The following BCAS3 variants were observed in gnomAD, a reference collection of about 807,000 sequenced individuals.
BCAS3 encodes the protein BCAS3 microtubule associated cell migration factor.
A neutral mutation model predicts 116.1 loss-of-function variants in BCAS3; 53 were observed. The ratio of observed to expected loss-of-function variants is 0.46; its 90% confidence interval spans 0.37 to 0.57. BCAS3 has a LOEUF of 0.57. Ranked by LOEUF, BCAS3 falls within the 20% of genes least tolerant of loss-of-function variation. The pLI, the probability that BCAS3 is intolerant of heterozygous loss-of-function variation, is 0.00. For synonymous variants in BCAS3, 391 were observed against 408.2 expected (o/e 0.96, Z 0.51); for missense variants, 917 against 1,165.4 (o/e 0.79, Z 3.10).
At position 61,021,978 on chromosome 17, in the gene BCAS3, G is replaced by A. The variant is rs1420530982; in HGVS notation, c.1637+6077G>A. ...ACTAGATACAGATATAATAGCTTGG[G>A]TAATTCCCCACCTCATGTTTCTGCC... On this transcript the variant is annotated intron_variant, in intron 16 of 23. Transcript: ENST00000407086. The surrounding 1 kb of genome is among the most constrained non-coding windows in gnomAD (Gnocchi z 4.6). Among the ~76,000 whole-genome samples, 2 of 152,132 alleles carry A rather than the reference G, an allele frequency of 1.3e-5. No individual in the cohort carries two copies. The highest frequency in any genetic ancestry group is 2.9e-5 in the Non-Finnish European group (2 of 68,030).
At position 61,065,400 on chromosome 17, in the gene BCAS3, T is replaced by C. The variant is rs142463673; in HGVS notation, c.2030-9520T>C. 2.4e-4 allele frequency among the ~76,000 whole-genome samples: 37 copies of C among 152,340 alleles called. No homozygotes were observed. In the East Asian group the frequency reaches 6.2e-3, roughly 25 times the overall value. On this transcript the variant is annotated intron_variant, in intron 19 of 23. Transcript: ENST00000407086. This position sits in a 1 kb window ranked among gnomAD's most constrained non-coding sequence, Gnocchi z 4.8. ...ACAGAGTTTGGTAAATAGCCCTTGC[T>C]TATTGTATGGCTGCTATATAAATGC...
chr17:60,984,258 TTTC>T (rs2062986921), intron 14 of BCAS3, among the ~76,000 whole-genome samples: 2 of 152,194 alleles, frequency 1.3e-5, no homozygotes, highest in African/African-American at 4.8e-5. Flanking sequence ...AAGACTAAAA[TTTC>T]TTTTTTATTT....
intron 22 of BCAS3, among the ~76,000 whole-genome samples, chr17:61,167,444 GAACT>G (rs776239337): frequency 1.3e-5 from 2 of 152,138 alleles, no homozygotes; most frequent in African/African-American, 2.4e-5. Flanking sequence ...TCTCTCACCT[GAACT>G]AACTCTCTCC....
rs1243440376 is a variant in BCAS3 at position 60,995,267 on chromosome 17, T to C, written c.1486+5032T>C. 6.6e-6 allele frequency among the ~76,000 whole-genome samples: 1 copy of C among 152,108 alleles called. No homozygotes were observed. The highest frequency in any genetic ancestry group is 2.4e-5 in the African/African-American group (1 of 41,428). On this transcript the variant is annotated intron_variant, in intron 15 of 23. Transcript: ENST00000407086. This position sits in a 1 kb window ranked among gnomAD's most constrained non-coding sequence, Gnocchi z 4.7. ...TCCCGGGTTCAAGTGATTCTTCTGC[T>C]TCAGCCTCCCAAGTAGCTGGGATTA...
chr17:60,844,894 C>A (rs1450644437), intron 7 of BCAS3, among the ~76,000 whole-genome samples: 1 of 152,210 alleles, frequency 6.6e-6, no homozygotes, highest in East Asian at 1.9e-4. Context: ...GGCTGCAGTA[C>A]AAGTTGTCTG....
chr17:61,301,712 A>G (rs966667726), intron 22 of BCAS3, among the ~76,000 whole-genome samples: 1 of 152,226 alleles, frequency 6.6e-6, no homozygotes, highest in Non-Finnish European at 1.5e-5. Flanking sequence ...ATTATAATTG[A>G]TATAAATGCA....
rs1238378866 is a variant in BCAS3, at chr17:61,083,948, A to T, written c.2328-519A>T. ...AGTAGTGACCCACCCCGGCCACAGTACATCTTTGTTATCCTATGCTTACTG... is the reference window on the plus strand; with the variant it reads ...AGTAGTGACCCACCCCGGCCACAGTTCATCTTTGTTATCCTATGCTTACTG... On this transcript the variant is annotated intron_variant, in intron 21 of 23. Coordinates refer to ENST00000407086, the MANE Select transcript of BCAS3 (RefSeq NM_017679.5). The surrounding 1 kb of genome is among the most constrained non-coding windows in gnomAD (Gnocchi z 4.9). Among the ~76,000 whole-genome samples, 1 of 152,166 alleles carries T rather than the reference A, an allele frequency of 6.6e-6. No homozygotes were observed. The highest frequency in any genetic ancestry group is 2.4e-5 in the African/African-American group (1 of 41,440).
At chr17:60,857,935 T>A (rs566465281) in intron 7 of BCAS3, among the ~76,000 whole-genome samples, 8 of 152,152 alleles carry the variant, frequency 5.3e-5, no homozygotes, top group Non-Finnish European at 1.0e-4. Context: ...AATGAAGGCT[T>A]GTTGCATGAA....
chr17:61,045,074 AAAACTGT>A (rs1405648609), intron 19 of BCAS3, among the ~76,000 whole-genome samples: 1 of 152,020 alleles, frequency 6.6e-6, no homozygotes, highest in Non-Finnish European at 1.5e-5. Flanking sequence ...AGTCCTTTTT[AAAACTGT>A]AAAATAGTTT....
At chr17:60,771,993 G>A (rs556908955) in intron 6 of BCAS3, among the ~76,000 whole-genome samples, 1 of 152,264 alleles carries the variant, frequency 6.6e-6, no homozygotes, top group Non-Finnish European at 1.5e-5. Context: ...CTTTGCTCTT[G>A]TGAATAGTGC....
rs1407762677 is a variant in BCAS3 at position 61,032,093 on chromosome 17, CT to C, written c.1638-2568del. Among the ~76,000 whole-genome samples, 1 of 152,068 alleles carries C rather than the reference CT, an allele frequency of 6.6e-6. No homozygotes were observed. The highest frequency in any genetic ancestry group is 1.5e-5 in the Non-Finnish European group (1 of 67,958). On this transcript the variant is annotated intron_variant, in intron 16 of 23. Transcript: ENST00000407086. The surrounding 1 kb of genome is among the most constrained non-coding windows in gnomAD (Gnocchi z 4.6). Reference sequence around the variant, plus strand: ...AAATTGACGTCCTCTCATTTTTCTACTTTTTATTATCATGTTAGAAAGTTTG... The same window carrying C: ...AAATTGACGTCCTCTCATTTTTCTACTTTTATTATCATGTTAGAAAGTTTG...
At chr17:60,779,379 T>C (rs1197883779) in intron 6 of BCAS3, among the ~76,000 whole-genome samples, 1 of 151,788 alleles carries the variant, frequency 6.6e-6, no homozygotes, top group African/African-American at 2.4e-5. Context: ...TCTTTTTTTT[T>C]TTTTTTTGAG....
At position 61,309,605 on chromosome 17, in the gene BCAS3, T is replaced by A. The variant is rs371846213; in HGVS notation, c.2426-58722T>A. On this transcript the variant is annotated intron_variant, in intron 22 of 23. Transcript: ENST00000407086. This position sits in a 1 kb window ranked among gnomAD's most constrained non-coding sequence, Gnocchi z 4.6. ...TTTCCCTGAGAAAGAACAGTTTCTATCTCGAGTATTGCCTCCTTTCCTGAA... is the reference window on the plus strand; with the variant it reads ...TTTCCCTGAGAAAGAACAGTTTCTAACTCGAGTATTGCCTCCTTTCCTGAA... Among the ~76,000 whole-genome samples, 9 of 152,322 alleles carry A rather than the reference T, an allele frequency of 5.9e-5. No individual in the cohort carries two copies. The highest frequency in any genetic ancestry group is 1.9e-4 in the African/African-American group (8 of 41,564).
intron 6 of BCAS3, among the ~76,000 whole-genome samples, chr17:60,807,318 G>A (rs1396496922): frequency 1.3e-5 from 2 of 151,894 alleles, no homozygotes; most frequent in Non-Finnish European, 2.9e-5. Flanking sequence ...TATATCAATG[G>A]GAATGACCTA....
In BCAS3 at chr17:60,932,296, T is replaced by G. The variant is rs549607948; in HGVS notation, c.1087+7796T>G. Among the ~76,000 whole-genome samples, 11 of 152,298 alleles carry G rather than the reference T, an allele frequency of 7.2e-5. No individual in the cohort carries two copies. The South Asian group carries it at 2.3e-3, about 32-fold the overall frequency. On this transcript the variant is annotated intron_variant, in intron 13 of 23. Transcript: ENST00000407086. Reference sequence around the variant, plus strand: ...TTTCACATACTTGATACTGAGTAAGTGTACATTGAATAATTACAATAATTA... The same window carrying G: ...TTTCACATACTTGATACTGAGTAAGGGTACATTGAATAATTACAATAATTA...
chr17:61,073,109 C>G lies in BCAS3; in HGVS notation c.2030-1811C>G, dbSNP rs1474208605. 6.6e-6 allele frequency among the ~76,000 whole-genome samples: 1 copy of G among 152,152 alleles called. No homozygotes were observed. Among genetic ancestry groups the G allele is most frequent in the Non-Finnish European group, 1.5e-5 (1 of 68,034 alleles). ...TACTTATCAGCCTTTCAATGTATATCAATTATTTCCAAAAGAATGCTGAAA... is the reference window on the plus strand; with the variant it reads ...TACTTATCAGCCTTTCAATGTATATGAATTATTTCCAAAAGAATGCTGAAA... On this transcript the variant is annotated intron_variant, in intron 19 of 23. Transcript: ENST00000407086. This position sits in a 1 kb window ranked among gnomAD's most constrained non-coding sequence, Gnocchi z 4.6.
At chr17:60,702,358 A>G (rs1023145320) in intron 4 of BCAS3, among the ~76,000 whole-genome samples, 1 of 152,278 alleles carries the variant, frequency 6.6e-6, no homozygotes. Context: ...ATTCTCACCT[A>G]TTTTGCATCA....
intron 5 of BCAS3, among the ~76,000 whole-genome samples, chr17:60,712,382 G>GAAA (rs568948958): frequency 0.044 from 6,203 of 140,376 alleles, 363 homozygotes; most frequent in African/African-American, 0.14. Context: ...TCTTGGGAAG[G>GAAA]AAAAAAAAAA....
chr17:60,754,734 C>T (rs1286991542), intron 6 of BCAS3, among the ~76,000 whole-genome samples: 1 of 17,884 alleles, frequency 5.6e-5, no homozygotes, highest in Non-Finnish European at 9.6e-4. Flanking sequence ...CACACACACA[C>T]ACACACAGAG....
Sources: allele counts gnomAD v4.1 joint callset (sites outside exome capture counted in the v4.1 genomes callset), GRCh38; gene constraint gnomAD v4.1.1; non-coding constraint Gnocchi (gnomAD v3.1); transcripts MANE v1.5; gene names NCBI Gene and HGNC (gene_info 2026-07-23, HGNC 2026-07-21).